CUX2: variants seen among roughly 807,000 people sequenced by gnomAD.
CUX2 encodes cut like homeobox 2.
Under a neutral mutation model 144.8 loss-of-function variants are expected in CUX2, and 40 were observed. The observed-to-expected ratio is 0.28, with a 90% CI of 0.21 to 0.36. CUX2 has a LOEUF of 0.36. Among genes scored for constraint, CUX2 ranks in the 10% least tolerant of loss-of-function variants. The pLI, the probability that CUX2 is intolerant of heterozygous loss-of-function variation, is 1.00. For synonymous variants in CUX2, 827 were observed against 875.6 expected, an observed-to-expected ratio of 0.94 and a Z score of 0.98; for missense variants, 1,615 against 1,994.0, an observed-to-expected ratio of 0.81 and a Z score of 3.62.
At chr12:111,283,357 C>T (rs1435896329) in intron 4 of CUX2, among the ~76,000 whole-genome samples, 1 of 152,298 alleles carries the variant, frequency 6.6e-6, no homozygotes, top group South Asian at 2.1e-4. Context: ...ACTACCCCCG[C>T]CGTGCTCAGC....
chr12:111,053,694 T>C (rs976962113), intron 1 of CUX2, among the ~76,000 whole-genome samples: 1 of 152,258 alleles, frequency 6.6e-6, no homozygotes, highest in Non-Finnish European at 1.5e-5. Flanking sequence ...AGGTCTCACT[T>C]GGACATCCCT....
At chr12:111,271,535 G>C (rs1388070997) in intron 4 of CUX2, among the ~76,000 whole-genome samples, 2 of 152,160 alleles carry the variant, frequency 1.3e-5, no homozygotes, top group African/African-American at 2.4e-5. Context: ...TCCAACTCTG[G>C]ACAGTTAAGG....
At chr12:111,116,710 T>C (rs1184208519) in intron 1 of CUX2, among the ~76,000 whole-genome samples, 2 of 152,200 alleles carry the variant, frequency 1.3e-5, no homozygotes, top group Non-Finnish European at 2.9e-5. Context: ...GAATTGGATC[T>C]GGAGCTGGTT....
At chr12:111,067,158 C>T (rs1871054279) in intron 1 of CUX2, among the ~76,000 whole-genome samples, 1 of 152,160 alleles carries the variant, frequency 6.6e-6, no homozygotes, top group Admixed American at 6.5e-5. Flanking sequence ...TGCTTTCCAC[C>T]TCTACACAGT....
intron 3 of CUX2, among the ~76,000 whole-genome samples, chr12:111,253,376 G>A (rs1388299152): frequency 1.3e-5 from 2 of 151,098 alleles, no homozygotes; most frequent in African/African-American, 4.9e-5. Context: ...CTCTCTGCTG[G>A]CATTCAAACA....
rs569275102 is a variant in CUX2 at position 111,168,276 on chromosome 12, G to A, written c.64-45924G>A. Among the ~76,000 whole-genome samples, 13 of 152,314 alleles carry A rather than the reference G, an allele frequency of 8.5e-5. No individual in the cohort carries two copies. The South Asian group carries it at 2.3e-3, about 27-fold the overall frequency. On this transcript the variant is annotated intron_variant, in intron 1 of 21. Transcript: ENST00000261726. ...TGATGAATTAACCTGGGCAACACCA[G>A]CCCTGCCTGTCACACTGATAAAGGT... is the stretch of plus-strand genomic sequence containing the variant.
rs1483758747 is a variant in CUX2, at chr12:111,246,117, G to C, written c.223-17644G>C. On this transcript the variant is annotated intron_variant, in intron 3 of 21. Transcript: ENST00000261726. This position sits in a 1 kb window ranked among gnomAD's most constrained non-coding sequence, Gnocchi z 4.0. ...CCAGCTTTCCTAGCTGCATGACCCG[G>C]GGCAAGTCTCTTGACTTCTCTGCGC... Among the ~76,000 whole-genome samples, 1 of 152,094 alleles carries C rather than the reference G, an allele frequency of 6.6e-6. No homozygotes were observed. The highest frequency in any genetic ancestry group is 2.4e-5 in the African/African-American group (1 of 41,404).
intron 3 of CUX2, among the ~76,000 whole-genome samples, chr12:111,241,648 G>A (rs1017548762): frequency 6.6e-6 from 1 of 152,242 alleles, no homozygotes; most frequent in African/African-American, 2.4e-5. Context: ...ACAACATGGC[G>A]GCCAAGACTG....
chr12:111,335,351 C>T (rs1888303172), intron 19 of CUX2, among the ~76,000 whole-genome samples: 1 of 152,122 alleles, frequency 6.6e-6, no homozygotes, highest in African/African-American at 2.4e-5. Flanking sequence ...CGAGATCACA[C>T]CACTGCACTC....
rs1888606082 is a variant in CUX2, at chr12:111,342,130, G to A, written c.3659+77G>A. 7 of 1,514,644 alleles carry A rather than the reference G, an allele frequency of 4.6e-6. No individual in the cohort carries two copies. In the South Asian group the frequency reaches 6.5e-5, roughly 14 times the overall value. 93.8% of individuals were successfully genotyped at this position (1,514,644 alleles called of 1,614,324 possible). A position where few individuals can be genotyped will look rare whatever the true frequency, so the allele number is the denominator to read the frequency against. On this transcript the variant is annotated intron_variant, in intron 21 of 21. Coordinates refer to ENST00000261726, the MANE Select transcript of CUX2 (RefSeq NM_015267.4). ...CCCTTCCCCATCCCAGGGCCTGGAG[G>A]GAGCCCCACATGGCCTCTGGGAGAT...
At chr12:111,323,948 G>T (rs1887653667) in intron 18 of CUX2, among the ~76,000 whole-genome samples, 2 of 152,118 alleles carry the variant, frequency 1.3e-5, no homozygotes, top group Non-Finnish European at 1.5e-5. Context: ...GAGGCAGGAG[G>T]ATCGCTTAAG....
chr12:111,131,986 G>A (rs1467132431), intron 1 of CUX2, among the ~76,000 whole-genome samples: 1 of 152,232 alleles, frequency 6.6e-6, no homozygotes, highest in South Asian at 2.1e-4. Context: ...CCCCAGTAGG[G>A]ACTCTGTTGG....
rs371358726 is a variant in CUX2 at position 111,347,798 on chromosome 12, G to A, written c.3934G>A (p.Gly1312Ser). The A allele has an allele frequency of 2.8e-5, 45 of 1,613,598 alleles. No individual in the cohort carries two copies. The highest frequency in any genetic ancestry group is 3.8e-5 in the Non-Finnish European group (45 of 1,179,852). The change falls in exon 22 of 22, where the codon GGC becomes AGC. Residue 1312 changes from glycine to serine, a missense_variant. Physicochemically the swap from Gly to Ser is moderately conservative, Grantham distance 56. Coordinates refer to ENST00000261726, the MANE Select transcript of CUX2 (RefSeq NM_015267.4). Reference sequence around the variant, plus strand: ...GGAGGAGGATGCTGAGGAAGAGGCAGGCAGCCAGCCCCAGGACTCAGGGGA... The same window carrying A: ...GGAGGAGGATGCTGAGGAAGAGGCAAGCAGCCAGCCCCAGGACTCAGGGGA... ...QMEEDAEEEA[G>S]SQPQDSGELD...
chr12:111,210,535 T>C (rs937407760), intron 1 of CUX2, among the ~76,000 whole-genome samples: 1 of 152,188 alleles, frequency 6.6e-6, no homozygotes, highest in African/African-American at 2.4e-5. Flanking sequence ...GGCTCACACC[T>C]GTAATCCCAA....
chr12:111,279,975 C>T (rs1264537278), intron 4 of CUX2, among the ~76,000 whole-genome samples: 3 of 150,830 alleles, frequency 2.0e-5, no homozygotes, highest in Admixed American at 6.6e-5. Flanking sequence ...AGCGAGACTC[C>T]GTCTCAAAAA....
intron 16 of CUX2, among the ~76,000 whole-genome samples, chr12:111,317,775 C>T (rs1279279822): frequency 1.3e-5 from 2 of 152,110 alleles, no homozygotes; most frequent in South Asian, 2.1e-4. Flanking sequence ...GTGGGCAGAT[C>T]ATTTGAGCTC....
At chr12:111,097,186 C>G (rs536747350) in intron 1 of CUX2, among the ~76,000 whole-genome samples, 1 of 152,298 alleles carries the variant, frequency 6.6e-6, no homozygotes, top group East Asian at 1.9e-4. Context: ...TCCAGATACA[C>G]CCAGGAAGGT....
At chr12:111,115,885 T>A (rs1399547618) in intron 1 of CUX2, among the ~76,000 whole-genome samples, 1 of 152,154 alleles carries the variant, frequency 6.6e-6, no homozygotes, top group Non-Finnish European at 1.5e-5. Flanking sequence ...TAGCACACAG[T>A]AAGTTGTCAA....
intron 4 of CUX2, among the ~76,000 whole-genome samples, chr12:111,288,447 C>T (rs1885505274): frequency 6.6e-6 from 1 of 151,950 alleles, no homozygotes; most frequent in Non-Finnish European, 1.5e-5. Context: ...TTAGCAGACT[C>T]CAGGGATACC....
Sources: gnomAD v4.1 joint callset for allele counts (sites outside exome capture counted in the v4.1 genomes callset) on GRCh38, gnomAD v4.1.1 for gene constraint, Gnocchi (gnomAD v3.1) non-coding constraint, MANE v1.5 for transcripts, NCBI Gene and HGNC (gene_info 2026-07-23, HGNC 2026-07-21) for gene names.